The following SORCS3 variants were observed in gnomAD, a reference collection of about 807,000 sequenced individuals.
The protein encoded by SORCS3 is VPS10 domain-containing receptor SorCS3.
In SORCS3, 57 loss-of-function variants were observed where a neutral mutation model predicts 146.3. The observed-to-expected ratio is 0.39, with a 90% confidence interval of 0.31 to 0.49. SORCS3 has a LOEUF of 0.49. Ranked by LOEUF, SORCS3 falls within the 20% of genes least tolerant of loss-of-function variation. The pLI is 0.92. For synonymous variants in SORCS3, 653 were observed against 618.5 expected, an observed-to-expected ratio of 1.06 and a Z score of -0.83; for missense variants, 1,341 against 1,575.5, an observed-to-expected ratio of 0.85 and a Z score of 2.52.
At chr10:105,048,454 A>G (rs904824953) in intron 5 of SORCS3, among the ~76,000 whole-genome samples, 2 of 149,576 alleles carry the variant, frequency 1.3e-5, no homozygotes, top group Admixed American at 1.3e-4. Flanking sequence ...CAAACACCGC[A>G]TGTTCTCACT....
chr10:105,187,303 C>A (rs957604620), intron 14 of SORCS3, among the ~76,000 whole-genome samples: 4 of 152,130 alleles, frequency 2.6e-5, no homozygotes, highest in Non-Finnish European at 4.4e-5. Context: ...AACTAACAGT[C>A]TCCACTTACA....
At chr10:104,708,828 G>T (rs938629615) in intron 1 of SORCS3, among the ~76,000 whole-genome samples, 1 of 152,278 alleles carries the variant, frequency 6.6e-6, no homozygotes, top group East Asian at 1.9e-4. Context: ...CTTTGCTCCT[G>T]TTCCTCAGGC....
At chr10:105,215,479 G>A (rs2056659514) in intron 18 of SORCS3, among the ~76,000 whole-genome samples, 1 of 152,182 alleles carries the variant, frequency 6.6e-6, no homozygotes, top group South Asian at 2.1e-4. Flanking sequence ...ACAGGGTGGT[G>A]AAGGTTCCTT....
intron 4 of SORCS3, among the ~76,000 whole-genome samples, chr10:104,977,730 CTTTTTTT>C (rs796233007): frequency 1.5e-4 from 18 of 122,910 alleles, no homozygotes; most frequent in African/African-American, 3.6e-4. Context: ...CTTTTCTTTT[CTTTTTTT>C]TTTTTTTTTT....
intron 1 of SORCS3, among the ~76,000 whole-genome samples, chr10:104,811,896 T>A (rs750250678): frequency 6.6e-6 from 1 of 152,184 alleles, no homozygotes; most frequent in South Asian, 2.1e-4. Flanking sequence ...TCTCAATATA[T>A]GTTATTTGGG....
Position 105,211,589 on chromosome 10 carries a change from C to T in SORCS3, c.2375+339C>T, listed in dbSNP as rs894082974. 2.0e-5 allele frequency among the ~76,000 whole-genome samples: 3 copies of T among 152,288 alleles called. No homozygotes were observed. The South Asian group carries it at 6.2e-4, about 32-fold the overall frequency. Reference sequence around the variant, plus strand: ...TCATACAAGTGATGTGCAGATATTACACTACTCTCTAGTGAAAGATGAACT... The same window carrying T: ...TCATACAAGTGATGTGCAGATATTATACTACTCTCTAGTGAAAGATGAACT... On this transcript the variant is annotated intron_variant, in intron 17 of 26. Transcript: ENST00000369701.
intron 8 of SORCS3, among the ~76,000 whole-genome samples, chr10:105,142,285 G>A (rs4474369): frequency 0.29 from 44,227 of 152,020 alleles, 6,613 homozygotes; most frequent in Middle Eastern, 0.34. Flanking sequence ...CTGGAAAAGA[G>A]CCAAGGTTAA....
Position 105,158,952 on chromosome 10 carries a change from A to G in SORCS3, c.1690A>G (p.Ile564Val). 4.3e-6 allele frequency: 7 copies of G among 1,613,250 alleles called. No individual in the cohort carries two copies. Among genetic ancestry groups the G allele is most frequent in the Non-Finnish European group, 5.9e-6 (7 of 1,179,318 alleles). Residue 564 changes from isoleucine to valine, a missense_variant, in exon 11 of 27, where the codon ATC becomes GTC. By Grantham distance (29) the Ile-to-Val change is conservative. Transcript: ENST00000369701. ...LSENPYSSGR[I>V]SSKETAPGLV... ...TGAAAATCCATATTCCTCAGGAAGA[A>G]TCTCTAGCAAGGAGACAGCCCCAGG...
intron 19 of SORCS3, among the ~76,000 whole-genome samples, chr10:105,221,827 C>G (rs189921470): frequency 6.6e-6 from 1 of 152,046 alleles, no homozygotes; most frequent in East Asian, 1.9e-4. Flanking sequence ...TGGTGGAAAC[C>G]AAGAAAATGT....
intron 1 of SORCS3, among the ~76,000 whole-genome samples, chr10:104,714,687 T>A (rs1348978105): frequency 1.3e-5 from 2 of 152,230 alleles, no homozygotes; most frequent in Non-Finnish European, 2.9e-5. Context: ...TGTATCTTGG[T>A]GAATATTCCA....
At chr10:104,922,786 T>C (rs1247860064) in intron 3 of SORCS3, among the ~76,000 whole-genome samples, 2 of 152,224 alleles carry the variant, frequency 1.3e-5, no homozygotes, top group Admixed American at 1.3e-4. Flanking sequence ...AAGTGGTAAC[T>C]AAGTCTACAG....
At chr10:104,923,024 G>C (rs2019102583) in intron 3 of SORCS3, among the ~76,000 whole-genome samples, 1 of 152,206 alleles carries the variant, frequency 6.6e-6, no homozygotes, top group African/African-American at 2.4e-5. Context: ...TAGGGGTAGG[G>C]GGCAGATGTC....
chr10:104,769,225 T>A (rs1248431882), intron 1 of SORCS3, among the ~76,000 whole-genome samples: 1 of 152,176 alleles, frequency 6.6e-6, no homozygotes, highest in Non-Finnish European at 1.5e-5. Flanking sequence ...GAAATGACAC[T>A]CCTTCCAGGG....
intron 14 of SORCS3, among the ~76,000 whole-genome samples, chr10:105,180,631 T>G (rs2056437268): frequency 6.6e-6 from 1 of 152,198 alleles, no homozygotes; most frequent in Admixed American, 6.5e-5. Context: ...CCCTTTCCAT[T>G]GCCTTTAGGA....
chr10:104,877,447 G>T (rs946884640), intron 2 of SORCS3, among the ~76,000 whole-genome samples: 3 of 152,064 alleles, frequency 2.0e-5, no homozygotes, highest in African/African-American at 7.2e-5. Context: ...CTCTCATGAA[G>T]ATTAAGTGCA....
intron 2 of SORCS3, among the ~76,000 whole-genome samples, chr10:104,886,889 T>C (rs1183637152): frequency 6.6e-6 from 1 of 152,206 alleles, no homozygotes; most frequent in African/African-American, 2.4e-5. Flanking sequence ...TTAGAACATA[T>C]GCAGGTTATT....
intron 5 of SORCS3, among the ~76,000 whole-genome samples, chr10:105,071,042 C>T (rs1050304390): frequency 2.6e-5 from 4 of 151,586 alleles, no homozygotes; most frequent in African/African-American, 2.4e-5. Context: ...ATGAGCTATT[C>T]CCCTTCTGGG....
intron 2 of SORCS3, among the ~76,000 whole-genome samples, chr10:104,881,655 T>C (rs1287942813): frequency 6.6e-6 from 1 of 152,190 alleles, no homozygotes; most frequent in Non-Finnish European, 1.5e-5. Flanking sequence ...TCTATTTAAA[T>C]ATAGACAAGC....
intron 2 of SORCS3, among the ~76,000 whole-genome samples, chr10:104,905,783 G>A (rs2018898720): frequency 6.6e-6 from 1 of 152,194 alleles, no homozygotes; most frequent in African/African-American, 2.4e-5. Flanking sequence ...AGGCAGGTGA[G>A]ATGAGAGGCT....
Sources: allele counts gnomAD v4.1 joint callset (sites outside exome capture counted in the v4.1 genomes callset), GRCh38; gene constraint gnomAD v4.1.1; transcripts MANE v1.5; gene names NCBI Gene and HGNC (gene_info 2026-07-23, HGNC 2026-07-21).